Variants in MSH3 observed in about 807,000 individuals in gnomAD.
The protein encoded by MSH3 is mutS homolog 3.
MSH3 carries 106 observed loss-of-function variants against 123.3 expected under a neutral mutation model. That is an observed-to-expected ratio of 0.86 (90% CI 0.73 to 1.01). The LOEUF (loss-of-function observed/expected upper bound fraction) is 1.01, where lower values mean the gene tolerates loss of function less well. Among genes scored for constraint, MSH3 ranks in the 50% least tolerant of loss-of-function variants. The pLI, the probability that MSH3 is intolerant of heterozygous loss-of-function variation, is 0.00. For synonymous variants in MSH3, 515 were observed against 481.4 expected (o/e 1.07, Z -0.91); for missense variants, 1,459 against 1,347.6 (o/e 1.08, Z -1.29).
chr5:80,752,877 A>G (rs1743860809), intron 12 of MSH3, among the ~76,000 whole-genome samples: 1 of 152,200 alleles, frequency 6.6e-6, no homozygotes, highest in Non-Finnish European at 1.5e-5. Flanking sequence ...GCAATGTTAT[A>G]AAAGAACACA....
At chr5:80,719,227 T>C (rs1021632926) in intron 8 of MSH3, among the ~76,000 whole-genome samples, 2 of 152,030 alleles carry the variant, frequency 1.3e-5, no homozygotes, top group Non-Finnish European at 2.9e-5. Flanking sequence ...TTTATATTTT[T>C]AGTAGAGATG....
chr5:80,725,840 A>C (rs527719177), intron 9 of MSH3, among the ~76,000 whole-genome samples: 2 of 152,312 alleles, frequency 1.3e-5, no homozygotes, highest in South Asian at 4.2e-4. Context: ...ACAAAGCGAG[A>C]TCCTGTCTGT....
In MSH3 at chr5:80,802,028, TG is replaced by T. The variant is rs557273985; in HGVS notation, c.2655+9186del. ...ACATAGTATGCATTCAATGAACAAA[TG>T]GTTGTTAGTACTCTCATTGCTGTAG... is the stretch of plus-strand genomic sequence containing the variant. On this transcript the variant is annotated intron_variant, in intron 19 of 23. Transcript: ENST00000265081. Among the ~76,000 whole-genome samples, 36 of 152,302 alleles carry T rather than the reference TG, an allele frequency of 2.4e-4. No individual in the cohort carries two copies. The South Asian group carries it at 6.4e-3, about 27-fold the overall frequency.
intron 20 of MSH3, among the ~76,000 whole-genome samples, chr5:80,842,204 CA>C (rs1745639090): frequency 6.6e-6 from 1 of 152,140 alleles, no homozygotes; most frequent in Non-Finnish European, 1.5e-5. Context: ...TGTCAAAGAT[CA>C]GATGGTTGTA....
intron 8 of MSH3, among the ~76,000 whole-genome samples, chr5:80,713,383 A>T (rs916998110): frequency 3.4e-4 from 52 of 152,102 alleles, no homozygotes; most frequent in South Asian, 6.2e-4. Context: ...TCTTTTTTTT[A>T]AAATTAGAAG....
At chr5:80,685,321 C>G (rs1051280004) in intron 8 of MSH3, among the ~76,000 whole-genome samples, 7 of 147,082 alleles carry the variant, frequency 4.8e-5, no homozygotes, top group African/African-American at 1.8e-4. Context: ...TGCTGGGAGA[C>G]TTTATTATGG....
At chr5:80,770,997 A>C (rs750987197) in intron 15 of MSH3, among the ~76,000 whole-genome samples, 1 of 152,202 alleles carries the variant, frequency 6.6e-6, no homozygotes, top group Non-Finnish European at 1.5e-5. Context: ...TACTAGGTTA[A>C]GTTGATGAAT....
In MSH3 at chr5:80,727,747, T is replaced by A. The variant is rs6151730; in HGVS notation, c.1454-1104T>A. On this transcript the variant is annotated intron_variant, in intron 9 of 23. Transcript: ENST00000265081. ...TCCTGCTCTTTTGGAGTTTACATTC[T>A]AATGGTGAGAGATGTACAATAAAGT... Among the ~76,000 whole-genome samples the A allele has an allele frequency of 8.1e-3, 1,228 of 152,244 alleles. 18 individuals are homozygous for A. The highest frequency in any genetic ancestry group is 0.029 in the African/African-American group (1,187 of 41,552).
intron 8 of MSH3, among the ~76,000 whole-genome samples, chr5:80,692,431 GATAAACATGTATATGTTTAGAT>G (rs1750308644): frequency 7.2e-5 from 3 of 41,928 alleles, no homozygotes; most frequent in Non-Finnish European, 7.6e-5. Flanking sequence ...TGTTTAGATA[GATAAACATGTATATGTTTAGAT>G]AGATAAACAT....
chr5:80,865,183 T>C (rs1300360682), intron 22 of MSH3, among the ~76,000 whole-genome samples: 3 of 152,128 alleles, frequency 2.0e-5, no homozygotes, highest in African/African-American at 7.2e-5. Context: ...CCCTTTTCTC[T>C]TTTTTTACAG....
intron 10 of MSH3, among the ~76,000 whole-genome samples, chr5:80,731,317 T>TA (rs1743407971): frequency 6.6e-6 from 1 of 152,208 alleles, no homozygotes; most frequent in South Asian, 2.1e-4. Flanking sequence ...AACCTCTTGA[T>TA]AAACTGAAGC....
intron 10 of MSH3, among the ~76,000 whole-genome samples, chr5:80,734,011 G>A (rs1484584034): frequency 1.3e-5 from 2 of 152,110 alleles, no homozygotes; most frequent in Admixed American, 1.3e-4. Flanking sequence ...ATGTTCATAA[G>A]AGCATTAGTC....
chr5:80,680,105 C>T (rs1344842943), intron 8 of MSH3, among the ~76,000 whole-genome samples: 1 of 150,930 alleles, frequency 6.6e-6, no homozygotes, highest in Non-Finnish European at 1.5e-5. Context: ...AAAAAAAATA[C>T]AAAAATTAGC....
At chr5:80,675,538 A>C (rs1178845528) in intron 7 of MSH3, among the ~76,000 whole-genome samples, 2 of 152,286 alleles carry the variant, frequency 1.3e-5, no homozygotes, top group East Asian at 3.9e-4. Context: ...GAAGTGCTAC[A>C]CACTTTTAAA....
chr5:80,776,135 C>A (rs1272880936), intron 16 of MSH3, among the ~76,000 whole-genome samples: 1 of 152,098 alleles, frequency 6.6e-6, no homozygotes, highest in African/African-American at 2.4e-5. Context: ...GGTGATTCAC[C>A]CACTTCAGCC....
rs539194788 is a variant in MSH3 at position 80,767,872 on chromosome 5, C to T, written c.1897-61C>T. 1.3e-5 allele frequency: 17 copies of T among 1,294,490 alleles called. No individual in the cohort carries two copies. The African/African-American group carries it at 2.4e-4, about 18-fold the overall frequency. 80.2% of individuals were successfully genotyped at this position (1,294,490 alleles called of 1,614,324 possible). On this transcript the variant is annotated intron_variant, in intron 13 of 23. Transcript: ENST00000265081. The stretch of plus-strand genomic sequence containing the variant: ...TTCTGATTCTAACTTTTAAAAGTCA[C>T]TAATTAAACTTCATTTTCATGTATC...
At chr5:80,672,892 T>C (rs1749755123) in intron 6 of MSH3, 34 bp downstream of exon 6, 1 of 1,472,348 alleles carries the variant, frequency 6.8e-7, no homozygotes, top group East Asian at 2.3e-5. Flanking sequence ...TTCTCTTAAA[T>C]GATACAAGGG....
rs1440516812 is a variant in MSH3 at position 80,761,813 on chromosome 5, G to C, written c.1896+135G>C. On this transcript the variant is annotated intron_variant, in intron 13 of 23. Transcript: ENST00000265081. The stretch of plus-strand genomic sequence containing the variant: ...TTACAAATAGCATGCGAGAGTAGCT[G>C]AATCCTCAGAAATTTTAATAGTACA... The C allele has an allele frequency of 4.1e-6, 4 of 968,302 alleles. No homozygotes were observed. The Admixed American group carries it at 9.6e-5, about 23-fold the overall frequency. The allele number at this position is 968,302 out of a possible 1,614,324, so 60.0% of individuals were successfully genotyped here. A position where few individuals can be genotyped will look rare whatever the true frequency, so the allele number is the denominator to read the frequency against.
chr5:80,704,338 A>C (rs576506388), intron 8 of MSH3, among the ~76,000 whole-genome samples: 8 of 152,228 alleles, frequency 5.3e-5, no homozygotes, highest in African/African-American at 1.9e-4. Flanking sequence ...ACAATACTGG[A>C]ATTCAGTCTT....
Sources: gnomAD v4.1 joint callset for allele counts (sites outside exome capture counted in the v4.1 genomes callset) on GRCh38, gnomAD v4.1.1 for gene constraint, MANE v1.5 for transcripts, NCBI Gene and HGNC (gene_info 2026-07-23, HGNC 2026-07-21) for gene names.